HPS5: variants seen among roughly 807,000 people sequenced by gnomAD.
HPS5 encodes the protein BLOC-2 complex member HPS5.
Under a neutral mutation model 128.0 loss-of-function variants are expected in HPS5, and 83 were observed. The ratio of observed to expected loss-of-function variants is 0.65; its 90% CI spans 0.54 to 0.78. HPS5 has a LOEUF of 0.78. HPS5 is among the 30% of genes least tolerant of loss of function. The probability of loss-of-function intolerance (pLI) is 0.00; values close to 1 mark genes in which losing one functional copy is unlikely to be tolerated. For missense variants in HPS5, 1,281 were observed against 1,326.2 expected, an observed-to-expected ratio of 0.97 and a Z score of 0.53; for synonymous variants, 475 against 470.2, an observed-to-expected ratio of 1.01 and a Z score of -0.13.
intron 19 of HPS5, among the ~76,000 whole-genome samples, chr11:18,285,845 T>A (rs1329770139): frequency 6.6e-6 from 1 of 152,242 alleles, no homozygotes; most frequent in Non-Finnish European, 1.5e-5. Context: ...TACCAGTGTG[T>A]ACTTTAATTT....
At chr11:18,321,543 T>G (rs1256381156) in intron 1 of HPS5, among the ~76,000 whole-genome samples, 1 of 152,232 alleles carries the variant, frequency 6.6e-6, no homozygotes, top group Non-Finnish European at 1.5e-5. Context: ...GAGCTGAGAT[T>G]AGAATACGCG....
At chr11:18,285,727 C>T (rs191817800) in intron 19 of HPS5, among the ~76,000 whole-genome samples, 15 of 151,958 alleles carry the variant, frequency 9.9e-5, no homozygotes, top group Admixed American at 3.3e-4. Context: ...TCACAGATAA[C>T]CACTGCATAT....
chr11:18,304,844 G>T (rs915886692), intron 8 of HPS5, among the ~76,000 whole-genome samples: 4 of 152,238 alleles, frequency 2.6e-5, no homozygotes, highest in African/African-American at 9.6e-5. Flanking sequence ...CAAGGTGTAA[G>T]AATTGGCAGG....
At position 18,288,006 on chromosome 11, in the gene HPS5, T is replaced by C; in HGVS notation, c.2448A>G (p.Ala816=). 6.2e-7 allele frequency: 1 copy of C among 1,613,820 alleles called. No homozygotes were observed. Among genetic ancestry groups the C allele is most frequent in the Non-Finnish European group, 8.5e-7 (1 of 1,179,850 alleles). The change falls in exon 17 of 23, where the codon GCA becomes GCG. Residue 816 remains alanine, a synonymous_variant. Coordinates refer to ENST00000349215, the MANE Select transcript of HPS5 (RefSeq NM_181507.2). ...DTFIEGLKEM[A]SSNPVYMEME... ...TCTCCATATACACAGGATTGGAACT[T>C]GCCATTTCTGAAATATAAAGCATAT...
intron 14 of HPS5, among the ~76,000 whole-genome samples, chr11:18,293,227 G>A (rs972399244): frequency 2.6e-5 from 4 of 151,822 alleles, no homozygotes; most frequent in Non-Finnish European, 5.9e-5. Context: ...GGAGTGCAGT[G>A]GCATGATCTC....
intron 10 of HPS5, 105 bp downstream of exon 10, chr11:18,298,685 TCA>T: frequency 9.4e-7 from 1 of 1,058,870 alleles, no homozygotes; most frequent in Non-Finnish European, 1.5e-6. Flanking sequence ...TATCTGTAGG[TCA>T]CACAGACAGG....
chr11:18,285,550 C>T, intron 19 of HPS5, 91 bp from the exon 20 acceptor site: 1 of 870,296 alleles, frequency 1.1e-6, no homozygotes, highest in Non-Finnish European at 1.9e-6. Context: ...TAGAGTTTAA[C>T]TGCATTCTAT....
chr11:18,316,247 A>C (rs1246697074), intron 2 of HPS5, among the ~76,000 whole-genome samples: 2 of 152,178 alleles, frequency 1.3e-5, no homozygotes, highest in African/African-American at 2.4e-5. Flanking sequence ...GTGAGCTAGG[A>C]TCTCCCCATT....
intron 1 of HPS5, among the ~76,000 whole-genome samples, chr11:18,321,629 C>T (rs1864365854): frequency 6.6e-6 from 1 of 152,178 alleles, no homozygotes; most frequent in Non-Finnish European, 1.5e-5. Context: ...CAAATGCAAA[C>T]ATGTTTCTCT....
At position 18,297,646 on chromosome 11, in the gene HPS5, A is replaced by G; in HGVS notation, c.1236T>C (p.Asp412=). Residue 412 remains aspartate, a synonymous_variant, in exon 11 of 23, where the codon GAT becomes GAC. Coordinates refer to ENST00000349215, the MANE Select transcript of HPS5 (RefSeq NM_181507.2). The part of the protein sequence containing the change: ...KSQLDHGTYN[D]LISQLEELIL... ...TCAATTCTTCCAGTTGAGAAATTAG[A>G]TCATTGTAGGTGCCATGGTCCAGCT... 6.2e-7 allele frequency: 1 copy of G among 1,613,920 alleles called. No individual in the cohort carries two copies. The highest frequency in any genetic ancestry group is 8.5e-7 in the Non-Finnish European group (1 of 1,179,786).
At chr11:18,297,247 C>G (rs1041760395) in intron 11 of HPS5, among the ~76,000 whole-genome samples, 3 of 152,156 alleles carry the variant, frequency 2.0e-5, no homozygotes, top group African/African-American at 7.2e-5. Context: ...TAATCCAGAC[C>G]TGCATTCAGG....
At chr11:18,286,518 G>C in intron 19 of HPS5, 73 bp downstream of exon 19, 1 of 1,453,746 alleles carries the variant, frequency 6.9e-7, no homozygotes, top group Non-Finnish European at 9.5e-7. Context: ...TTCCAGCCTA[G>C]GCGACAGAGT....
rs753377675 is a variant in HPS5 at position 18,309,030 on chromosome 11, T to C, written c.527A>G (p.Asp176Gly). ...ATAATCTAACTGTACAACACAGGAG[T>C]CAACAGTTGTGATTGTCTGAACAGG... ...MFPVQTITTV[D>G]SCVVQLDYLD... Residue 176 changes from aspartate (D) to glycine (G), a missense_variant, in exon 6 of 23, where the codon GAC becomes GGC. Transcript: ENST00000349215. 1.2e-6 allele frequency: 2 copies of C among 1,613,558 alleles called. No homozygotes were observed. Among genetic ancestry groups the C allele is most frequent in the South Asian group, 2.2e-5 (2 of 91,078 alleles).
Position 18,297,003 on chromosome 11 carries a change from CAAAA to C in HPS5, c.1324-23_1324-20del. ...AACTTTCCTAAAAATTAAAAGAATT[CAAAA>C]AAAAAAAAAGGTAAAAATTTCCTTT... is the stretch of plus-strand genomic sequence containing the variant. On this transcript the variant is annotated intron_variant, in intron 11 of 22. Transcript: ENST00000349215. The C allele has an allele frequency of 2.6e-6, 3 of 1,146,428 alleles. No individual in the cohort carries two copies. The highest frequency in any genetic ancestry group is 2.7e-5 in the East Asian group (1 of 37,666). The allele number at this position is 1,146,428 out of a possible 1,614,324, so 71.0% of individuals were successfully genotyped here.
At chr11:18,311,350 T>C (rs1048260237) in intron 4 of HPS5, 37 bp downstream of exon 4, 3 of 1,413,074 alleles carry the variant, frequency 2.1e-6, no homozygotes, top group South Asian at 1.2e-5. Context: ...TAAAATGCAT[T>C]TGAAAAAGGA....
At chr11:18,318,681 ATTATAACTTTTCTCAATCAC>A (rs2133910311) in intron 1 of HPS5, among the ~76,000 whole-genome samples, 1 of 152,340 alleles carries the variant, frequency 6.6e-6, no homozygotes, top group East Asian at 1.9e-4. Context: ...CTACTCATTA[ATTATAACTTTTCTCAATCAC>A]TTGTTACCTG....
chr11:18,298,901 A>G lies in HPS5; in HGVS notation c.1055T>C (p.Leu352Pro). The part of the protein sequence containing the change: ...CLHLNGKVSH[L>P]SLISVERCVE... ...ACAGCGCTCCACAGATATCAGGGAGAGATGTGAGACTTTCCCATTTAGGTG... is the reference window on the plus strand; with the variant it reads ...ACAGCGCTCCACAGATATCAGGGAGGGATGTGAGACTTTCCCATTTAGGTG... Residue 352 changes from leucine (L) to proline (P), a missense_variant, in exon 10 of 23, where the codon CTC (leucine) becomes CCC (proline). Physicochemically the swap from Leu to Pro is moderately conservative, Grantham distance 98 (BLOSUM62 -3). Coordinates refer to ENST00000349215, the MANE Select transcript of HPS5 (RefSeq NM_181507.2). The G allele has an allele frequency of 6.2e-7, 1 of 1,614,130 alleles. No individual in the cohort carries two copies. Among genetic ancestry groups the G allele is most frequent in the Non-Finnish European group, 8.5e-7 (1 of 1,179,954 alleles).
At chr11:18,301,575 C>G (rs183994664) in intron 8 of HPS5, among the ~76,000 whole-genome samples, 5 of 151,670 alleles carry the variant, frequency 3.3e-5, no homozygotes, top group Admixed American at 2.6e-4. Context: ...GGACATGATA[C>G]GGGCACATTT....
rs914761274 is a variant in HPS5 at position 18,309,944 on chromosome 11, A to C, written c.477+797T>G. Among the ~76,000 whole-genome samples the C allele has an allele frequency of 2.0e-5, 3 of 152,342 alleles. No individual in the cohort carries two copies. The East Asian group carries it at 5.8e-4, about 29-fold the overall frequency. ...CTTCAGCCTGGGCAATCAAGACTGC[A>C]GTGAGCCATGATCTCACCACTGTAC... On this transcript the variant is annotated intron_variant, in intron 5 of 22. Coordinates refer to ENST00000349215, the MANE Select transcript of HPS5 (RefSeq NM_181507.2).
Sources: allele counts gnomAD v4.1 joint callset (sites outside exome capture counted in the v4.1 genomes callset), GRCh38; gene constraint gnomAD v4.1.1; transcripts MANE v1.5; gene names NCBI Gene and HGNC (gene_info 2026-07-23, HGNC 2026-07-21).